TOPAZ1: variants seen among roughly 807,000 people sequenced by gnomAD.
TOPAZ1 encodes protein TOPAZ1.
A neutral mutation model predicts 172.2 loss-of-function variants in TOPAZ1; 66 were observed. The observed-to-expected ratio is 0.38, with a 90% CI of 0.31 to 0.47. The LOEUF is 0.47. Among genes scored for constraint, TOPAZ1 ranks in the 20% least tolerant of loss-of-function variants. The probability of loss-of-function intolerance (pLI) is 0.99; values close to 1 mark genes in which losing one functional copy is unlikely to be tolerated. For synonymous variants in TOPAZ1, 681 were observed against 683.9 expected, an observed-to-expected ratio of 1.00 and a Z score of 0.07; for missense variants, 1,822 against 1,972.4, an observed-to-expected ratio of 0.92 and a Z score of 1.44.
At chr3:44,334,396 G>A (rs1445456081), downstream of TOPAZ1, among the ~76,000 whole-genome samples, 1 of 152,168 alleles carries the variant, frequency 6.6e-6, no homozygotes, top group Non-Finnish European at 1.5e-5. Flanking sequence ...GCATTGAGGG[G>A]ATAAGTCACA....
At chr3:44,285,497 C>T (rs1181442474) in intron 9 of TOPAZ1, among the ~76,000 whole-genome samples, 1 of 151,948 alleles carries the variant, frequency 6.6e-6, no homozygotes, top group Non-Finnish European at 1.5e-5. Context: ...AAAGACAATG[C>T]AGTAGTTTGT....
intron 4 of TOPAZ1, among the ~76,000 whole-genome samples, chr3:44,262,205 CTT>C (rs1251348209): frequency 5.9e-5 from 9 of 152,022 alleles, no homozygotes; most frequent in East Asian, 3.8e-4. Flanking sequence ...AATATTTTGA[CTT>C]ATATTAATTT....
chr3:44,330,356 A>G (rs370193876), intron 19 of TOPAZ1, among the ~76,000 whole-genome samples: 2 of 152,226 alleles, frequency 1.3e-5, no homozygotes, highest in South Asian at 4.1e-4. Flanking sequence ...ACCATAGTGC[A>G]TAACTAGTGA....
chr3:44,332,043 T>A lies in TOPAZ1; in HGVS notation c.*32T>A. 1.6e-6 allele frequency: 2 copies of A among 1,253,972 alleles called. No individual in the cohort carries two copies. The highest frequency in any genetic ancestry group is 2.2e-6 in the Non-Finnish European group (2 of 901,652). 77.7% of individuals were successfully genotyped at this position (1,253,972 alleles called of 1,614,324 possible). On this transcript the variant is annotated 3_prime_UTR_variant, in exon 20 of 20. Transcript: ENST00000309765. ...AAGTCTGCTTTTTTTTTTTTTTTAG[T>A]TCAAGTAATCATTGTTGAAAATAAA...
intron 15 of TOPAZ1, among the ~76,000 whole-genome samples, chr3:44,307,654 T>C (rs940540214): frequency 6.6e-6 from 1 of 152,206 alleles, no homozygotes; most frequent in African/African-American, 2.4e-5. Flanking sequence ...AAAGTTTATC[T>C]TTTGTTACTT....
intron 12 of TOPAZ1, among the ~76,000 whole-genome samples, chr3:44,296,845 A>AC: frequency 1.1e-5 from 1 of 86,978 alleles, no homozygotes; most frequent in Admixed American, 1.2e-4. Context: ...CACAGAGAAT[A>AC]CCAAAAAAAA....
intron 2 of TOPAZ1, 44 bp from the exon 3 acceptor site, chr3:44,254,924 T>C: frequency 7.1e-7 from 1 of 1,409,326 alleles, no homozygotes; most frequent in Non-Finnish European, 9.8e-7. Flanking sequence ...ATAGTTCTGC[T>C]TAGAATCTAT....
At chr3:44,274,287 G>A (rs1328868530) in intron 8 of TOPAZ1, among the ~76,000 whole-genome samples, 1 of 151,458 alleles carries the variant, frequency 6.6e-6, no homozygotes, top group Non-Finnish European at 1.5e-5. Flanking sequence ...TGGGCGCCCA[G>A]CTACTTGGGA....
chr3:44,256,230 A>G lies in TOPAZ1; in HGVS notation c.2907A>G (p.Thr969=), dbSNP rs1164285335. Reference sequence around the variant, plus strand: ...CTAATGAGACCTCTGAAAATGAAACACTGGGAGACTTCAGTGAACAAATAA... The same window carrying G: ...CTAATGAGACCTCTGAAAATGAAACGCTGGGAGACTTCAGTGAACAAATAA... The part of the protein sequence containing the change: ...EVANETSENE[T]LGDFSEQIKG... Residue 969 remains threonine, a synonymous_variant, in exon 4 of 20, where the codon ACA becomes ACG. Transcript: ENST00000309765. 1.3e-6 allele frequency: 2 copies of G among 1,537,078 alleles called. No individual in the cohort carries two copies. The highest frequency in any genetic ancestry group is 1.4e-5 in the African/African-American group (1 of 72,188).
chr3:44,261,956 CCTT>C (rs1699780268), intron 4 of TOPAZ1, among the ~76,000 whole-genome samples: 1 of 152,112 alleles, frequency 6.6e-6, no homozygotes. Context: ...ACATGTATAA[CCTT>C]CTTATGACTG....
At chr3:44,271,336 T>C (rs1699896437) in intron 8 of TOPAZ1, among the ~76,000 whole-genome samples, 1 of 152,224 alleles carries the variant, frequency 6.6e-6, no homozygotes, top group South Asian at 2.1e-4. Context: ...CTTTTGCATA[T>C]AGCCATTCTG....
intron 2 of TOPAZ1, among the ~76,000 whole-genome samples, chr3:44,254,144 T>C (rs1237875818): frequency 6.6e-6 from 1 of 152,174 alleles, no homozygotes; most frequent in African/African-American, 2.4e-5. Flanking sequence ...CTTAAAGAAG[T>C]TAAGTAGTTT....
At position 44,245,219 on chromosome 3, in the gene TOPAZ1, G is replaced by T. The variant is rs1323981281; in HGVS notation, c.2713G>T (p.Asp905Tyr). 1 of 1,549,988 alleles carries T rather than the reference G, an allele frequency of 6.5e-7. No homozygotes were observed. The highest frequency in any genetic ancestry group is 8.7e-7 in the Non-Finnish European group (1 of 1,146,626). ...PNVAGEHQST[D>Y]SKYMETPVKK... ...TGTTGCTGGAGAGCACCAATCAACA[G>T]ACTCCAAGTACATGGAAACTCCAGT... The change falls in exon 2 of 20, where the codon GAC becomes TAC. Residue 905 changes from aspartate to tyrosine, a missense_variant. Asp to Tyr is a radical substitution (Grantham distance 160, BLOSUM62 -3). Transcript: ENST00000309765.
chr3:44,299,957 T>TGGGGGGGGGG (rs59025711), intron 12 of TOPAZ1, among the ~76,000 whole-genome samples: 3 of 94,196 alleles, frequency 3.2e-5, no homozygotes, highest in South Asian at 3.6e-4. Context: ...TGTTGTGGGG[T>TGGGGGGGGGG]GGGGGGAGGG....
At chr3:44,260,636 A>C (rs1699765139) in intron 4 of TOPAZ1, among the ~76,000 whole-genome samples, 3 of 152,100 alleles carry the variant, frequency 2.0e-5, no homozygotes, top group African/African-American at 7.2e-5. Context: ...TAACATATGA[A>C]AATATTTAAA....
At chr3:44,265,508 A>G (rs186545936) in intron 5 of TOPAZ1, among the ~76,000 whole-genome samples, 44 of 152,326 alleles carry the variant, frequency 2.9e-4, no homozygotes, top group African/African-American at 9.4e-4. Context: ...GTGAGCTGAG[A>G]TCGCACCACT....
At position 44,244,808 on chromosome 3, in the gene TOPAZ1, A is replaced by G. The variant is rs766444748; in HGVS notation, c.2302A>G (p.Ser768Gly). 6.4e-6 allele frequency: 10 copies of G among 1,551,640 alleles called. No homozygotes were observed. The highest frequency in any genetic ancestry group is 2.4e-5 in the South Asian group (2 of 84,064). ...SDSFYNKKSY[S>G]ISPSFTKQGN... Reference sequence around the variant, plus strand: ...CTCATTCTACAATAAGAAATCCTATAGTATTTCTCCAAGCTTTACAAAGCA... The same window carrying G: ...CTCATTCTACAATAAGAAATCCTATGGTATTTCTCCAAGCTTTACAAAGCA... Residue 768 changes from serine (S) to glycine (G), a missense_variant, in exon 2 of 20, where the codon AGT (serine) becomes GGT (glycine). Transcript: ENST00000309765.
intron 15 of TOPAZ1, 51 bp downstream of exon 15, chr3:44,306,477 A>T: frequency 9.4e-7 from 1 of 1,065,290 alleles, no homozygotes; most frequent in East Asian, 2.6e-5. Context: ...ACTAGTTTTA[A>T]AATTATGAAC....
intron 5 of TOPAZ1, 108 bp from the exon 6 acceptor site, chr3:44,266,889 A>C (rs1248673852): frequency 1.2e-6 from 1 of 867,678 alleles, no homozygotes; most frequent in Non-Finnish European, 1.6e-6. Flanking sequence ...TTGTAAAAAA[A>C]TAAAAATAAA....
Sources: gnomAD v4.1 joint callset for allele counts (sites outside exome capture counted in the v4.1 genomes callset) on GRCh38, gnomAD v4.1.1 for gene constraint, MANE v1.5 for transcripts, NCBI Gene and HGNC (gene_info 2026-07-23, HGNC 2026-07-21) for gene names.